PCDHA9: variants seen among roughly 807,000 people sequenced by gnomAD.
PCDHA9 encodes the protein protocadherin alpha-9.
In PCDHA9, 62 loss-of-function variants were observed where a neutral mutation model predicts 62.0. The observed-to-expected ratio is 1.00, with a 90% CI of 0.81 to 1.23. The LOEUF (loss-of-function observed/expected upper bound fraction) is 1.23. PCDHA9 is among the 50% of genes most tolerant of loss of function. The probability of loss-of-function intolerance (pLI) is 0.00; values close to 1 mark genes in which losing one functional copy is unlikely to be tolerated. For synonymous variants in PCDHA9, 557 were observed against 567.6 expected, an observed-to-expected ratio of 0.98 and a Z score of 0.27; for missense variants, 1,205 against 1,249.8, an observed-to-expected ratio of 0.96 and a Z score of 0.54.
chr5:140,898,153 G>C (rs1379342887), intron 1 of PCDHA9, among the ~76,000 whole-genome samples: 3 of 152,182 alleles, frequency 2.0e-5, no homozygotes, highest in South Asian at 2.1e-4. Context: ...TGTTCACGCT[G>C]ATGGTGGTTT....
chr5:140,961,715 A>G (rs1363525264), intron 1 of PCDHA9, among the ~76,000 whole-genome samples: 2 of 152,160 alleles, frequency 1.3e-5, no homozygotes, highest in Non-Finnish European at 2.9e-5. Flanking sequence ...TTCATTTCTA[A>G]GTGCTCATAA....
chr5:140,929,153 A>G (rs1554206749), intron 1 of PCDHA9: 1 of 1,614,164 alleles, frequency 6.2e-7, no homozygotes, highest in East Asian at 2.2e-5. Context: ...TCTCAGACTT[A>G]TCTCTATCGG....
At chr5:140,875,240 C>A in intron 1 of PCDHA9, 1 of 923,800 alleles carries the variant, frequency 1.1e-6, no homozygotes. Context: ...CTTGTACTTA[C>A]ATAATCAGTC....
At chr5:140,865,067 T>C (rs2048722686) in intron 1 of PCDHA9, 1 of 152,340 alleles carries the variant, frequency 6.6e-6, no homozygotes, top group South Asian at 2.1e-4. Context: ...ATAACTTAAG[T>C]ATAAGAACCA....
intron 3 of PCDHA9, 100 bp from the exon 4 acceptor site, chr5:141,009,527 G>A: frequency 6.6e-7 from 1 of 1,507,930 alleles, no homozygotes; most frequent in South Asian, 1.4e-5. Context: ...TTTCTGGGGA[G>A]GTTCAGCCTG....
At chr5:140,878,585 C>T (rs2057657468) in intron 1 of PCDHA9, among the ~76,000 whole-genome samples, 1 of 152,152 alleles carries the variant, frequency 6.6e-6, no homozygotes, top group African/African-American at 2.4e-5. Flanking sequence ...CTGCCCTGTG[C>T]CTATTACCAA....
Position 140,850,415 on chromosome 5 carries a change from G to T in PCDHA9, c.1920G>T (p.Thr640=). The T allele has an allele frequency of 6.3e-7, 1 of 1,597,962 alleles. No homozygotes were observed. Among genetic ancestry groups the T allele is most frequent in the Non-Finnish European group, 8.6e-7 (1 of 1,167,734 alleles). ...EISTTRALDE[T]DAPRQRLLVL... ...GCACAACGCGTGCCCTGGACGAAACGGACGCACCGCGCCAGCGCCTACTGG... is the reference window on the plus strand; with the variant it reads ...GCACAACGCGTGCCCTGGACGAAACTGACGCACCGCGCCAGCGCCTACTGG... The change falls in exon 1 of 4, where the codon ACG becomes ACT. Residue 640 remains threonine, a synonymous_variant. Coordinates refer to ENST00000532602, the MANE Select transcript of PCDHA9 (RefSeq NM_031857.2).
intron 1 of PCDHA9, chr5:140,877,370 C>G (rs781905172): frequency 6.2e-7 from 1 of 1,614,004 alleles, no homozygotes; most frequent in Admixed American, 1.7e-5. Context: ...GAGATCAGCA[C>G]GACACGCATC....
At chr5:140,890,248 A>G (rs2062564503) in intron 1 of PCDHA9, among the ~76,000 whole-genome samples, 1 of 152,096 alleles carries the variant, frequency 6.6e-6, no homozygotes, top group Non-Finnish European at 1.5e-5. Context: ...CCAGTACACT[A>G]CTGCACCTGA....
intron 3 of PCDHA9, among the ~76,000 whole-genome samples, chr5:140,993,515 G>T (rs1351377291): frequency 6.7e-6 from 1 of 149,364 alleles, no homozygotes; most frequent in East Asian, 1.9e-4. Context: ...CACACGGGGA[G>T]AGAGAGACAG....
Position 140,885,836 on chromosome 5 carries a change from C to T in PCDHA9, c.2394+34947C>T, listed in dbSNP as rs186775413. On this transcript the variant is annotated intron_variant, in intron 1 of 3. Transcript: ENST00000532602. ...TGTATTTGATCTTCTTTGATTTATC[C>T]ATTAAGTTATTTGCCTACTTTTCTA... Among the ~76,000 whole-genome samples the T allele has an allele frequency of 3.1e-3, 470 of 152,032 alleles. 3 individuals are homozygous for T. Among genetic ancestry groups the T allele is most frequent in the Middle Eastern group, 0.014 (4 of 294 alleles).
intron 1 of PCDHA9, among the ~76,000 whole-genome samples, chr5:140,955,521 TC>T (rs2095199105): frequency 6.6e-6 from 1 of 152,142 alleles, no homozygotes; most frequent in Non-Finnish European, 1.5e-5. Context: ...TGCTTTCCCT[TC>T]CACCATGATT....
At chr5:140,974,647 G>GATT (rs2096635431) in intron 1 of PCDHA9, among the ~76,000 whole-genome samples, 1 of 152,068 alleles carries the variant, frequency 6.6e-6, no homozygotes, top group African/African-American at 2.4e-5. Context: ...GAGTAGCTGA[G>GATT]ATTACAGGCA....
chr5:140,937,378 G>T (rs1248709474), intron 1 of PCDHA9, among the ~76,000 whole-genome samples: 1 of 152,130 alleles, frequency 6.6e-6, no homozygotes, highest in African/African-American at 2.4e-5. Context: ...GTTTATGTGT[G>T]TGTATGTGTA....
At chr5:140,924,872 G>C (rs1161649938) in intron 1 of PCDHA9, among the ~76,000 whole-genome samples, 1 of 149,350 alleles carries the variant, frequency 6.7e-6, no homozygotes, top group Non-Finnish European at 1.5e-5. Context: ...TCCAGCCTGG[G>C]TGACAGAGCA....
chr5:140,879,869 T>C lies in PCDHA9; in HGVS notation c.2394+28980T>C, dbSNP rs782705975. Among the ~76,000 whole-genome samples, 13 of 152,220 alleles carry C rather than the reference T, an allele frequency of 8.5e-5. 1 individual carries two copies. The highest frequency in any genetic ancestry group is 1.5e-4 in the Non-Finnish European group (10 of 68,042). ...CCCATCTCAGCCTTCTCAGCTTTCA[T>C]GGTCACATTGCCTCCTCCTCTCCAT... On this transcript the variant is annotated intron_variant, in intron 1 of 3. Coordinates refer to ENST00000532602, the MANE Select transcript of PCDHA9 (RefSeq NM_031857.2).
chr5:140,882,152 G>A (rs1582595300), intron 1 of PCDHA9: 2 of 1,505,314 alleles, frequency 1.3e-6, no homozygotes, highest in Non-Finnish European at 8.9e-7. Flanking sequence ...GCAGAAAGCG[G>A]AATACCTCTT....
intron 3 of PCDHA9, among the ~76,000 whole-genome samples, chr5:140,986,226 C>T (rs2097191326): frequency 6.6e-6 from 1 of 152,168 alleles, no homozygotes; most frequent in African/African-American, 2.4e-5. Context: ...TCTCTAGCCT[C>T]CCCTCTGTGT....
intron 1 of PCDHA9, among the ~76,000 whole-genome samples, chr5:140,889,953 A>G (rs2062443064): frequency 6.6e-6 from 1 of 152,214 alleles, no homozygotes; most frequent in Non-Finnish European, 1.5e-5. Context: ...AGCCAAATGG[A>G]TAGAAAAATT....
Sources: gnomAD v4.1 joint callset for allele counts (sites outside exome capture counted in the v4.1 genomes callset) on GRCh38, gnomAD v4.1.1 for gene constraint, MANE v1.5 for transcripts, NCBI Gene and HGNC (gene_info 2026-07-23, HGNC 2026-07-21) for gene names.